The following FRMPD4 variants were observed in gnomAD, a reference collection of about 807,000 sequenced individuals.
The protein encoded by FRMPD4 is FERM and PDZ domain-containing protein 4.
In FRMPD4, 22 loss-of-function variants were observed where a neutral mutation model predicts 94.1. That is an observed-to-expected ratio of 0.23 (90% CI 0.17 to 0.33). The LOEUF is 0.33. Ranked by LOEUF, FRMPD4 falls within the 10% of genes least tolerant of loss-of-function variation. The pLI is 1.00. For missense variants in FRMPD4, 1,111 were observed against 1,339.9 expected (o/e 0.83, Z 2.67); for synonymous variants, 631 against 548.6 (o/e 1.15, Z -2.10).
At chrX:12,599,317 C>A (rs1387773110) in intron 2 of FRMPD4, among the ~76,000 whole-genome samples, 1 of 107,322 alleles carries the variant, frequency 9.3e-6, no homozygotes, top group African/African-American at 3.6e-5. Flanking sequence ...AAAAAAAAAA[C>A]ATATGAGTAA....
intron 1 of FRMPD4, among the ~76,000 whole-genome samples, chrX:12,446,140 T>C (rs1317830273): frequency 3.6e-5 from 4 of 112,380 alleles, no homozygotes; most frequent in Non-Finnish European, 7.5e-5. Context: ...TCTAGACCAC[T>C]GACTTTTAAT....
chrX:12,593,043 T>C (rs2058997355), intron 2 of FRMPD4, among the ~76,000 whole-genome samples: 1 of 111,815 alleles, frequency 8.9e-6, no homozygotes, highest in Non-Finnish European at 1.9e-5. Context: ...CGTTCAAGAC[T>C]GGCATCCTTG....
chrX:12,124,044 G>C (rs1483365405), intron 3 of FRMPD4, among the ~76,000 whole-genome samples: 1 of 110,984 alleles, frequency 9.0e-6, no homozygotes, highest in Non-Finnish European at 1.9e-5. Context: ...TCCAGTTCCT[G>C]GTACATCTCA....
chrX:12,335,742 T>C (rs1299579879), intron 1 of FRMPD4, among the ~76,000 whole-genome samples: 2 of 112,170 alleles, frequency 1.8e-5, no homozygotes, highest in East Asian at 5.6e-4. Flanking sequence ...AGCCTCTCTA[T>C]TGCATTAGCC....
chrX:12,190,849 A>G (rs1027105247), intron 1 of FRMPD4, among the ~76,000 whole-genome samples: 1 of 111,285 alleles, frequency 9.0e-6, no homozygotes, highest in South Asian at 3.7e-4. Flanking sequence ...TGTAGTGAAG[A>G]CTTTTTAGAT....
At chrX:12,574,265 G>T (rs140819971) in intron 2 of FRMPD4, among the ~76,000 whole-genome samples, 2,213 of 112,389 alleles carry the variant, frequency 0.02, 56 homozygotes, top group African/African-American at 0.068. Flanking sequence ...CTTCTAAAGT[G>T]CTGGGATTAC....
At chrX:11,944,950 A>C (rs1377141699) in intron 3 of FRMPD4, among the ~76,000 whole-genome samples, 3 of 112,373 alleles carry the variant, frequency 2.7e-5, no homozygotes, top group Non-Finnish European at 3.8e-5. Flanking sequence ...TCAATGTTTA[A>C]ATAAATGTTA....
At chrX:11,862,072 C>T (rs2053690585) in intron 1 of FRMPD4, among the ~76,000 whole-genome samples, 1 of 110,936 alleles carries the variant, frequency 9.0e-6, no homozygotes, top group Non-Finnish European at 1.9e-5. Flanking sequence ...AGAACCCACT[C>T]ACTATCACAT....
chrX:12,084,157 G>C (rs756601385), intron 3 of FRMPD4, among the ~76,000 whole-genome samples: 82 of 84,723 alleles, frequency 9.7e-4, no homozygotes, highest in African/African-American at 3.3e-3. Flanking sequence ...AAATTCTCAT[G>C]TGTTATGGGA....
At chrX:12,274,984 G>C (rs138810801) in intron 1 of FRMPD4, among the ~76,000 whole-genome samples, 16 of 112,008 alleles carry the variant, frequency 1.4e-4, no homozygotes, top group Non-Finnish European at 2.3e-4. Flanking sequence ...ACTCCAGCCC[G>C]GGCAACAGAG....
chrX:12,496,374 G>A (rs1222420735), intron 1 of FRMPD4, among the ~76,000 whole-genome samples: 1 of 112,024 alleles, frequency 8.9e-6, no homozygotes, highest in Non-Finnish European at 1.9e-5. Context: ...TGGATTTCTT[G>A]TTCTAATGCA....
Position 12,533,217 on chromosome X carries a change from G to C in FRMPD4, c.158+34421G>C, listed in dbSNP as rs192497794. 2.1e-4 allele frequency among the ~76,000 whole-genome samples: 23 copies of C among 111,954 alleles called. No individual in the cohort carries two copies. In the East Asian group the frequency reaches 6.2e-3, roughly 30 times the overall value. ...GATGGTTTTATAAGAGGAGTTCCCT[G>C]CACAAGCTCTCTTGTCTGCCACCAC... On this transcript the variant is annotated intron_variant, in intron 2 of 16. Coordinates refer to ENST00000675598, the MANE Select transcript of FRMPD4 (RefSeq NM_001368397.1).
chrX:12,099,127 G>A (rs1049846264), intron 3 of FRMPD4, among the ~76,000 whole-genome samples: 19 of 105,216 alleles, frequency 1.8e-4, no homozygotes, highest in South Asian at 4.5e-4. Context: ...GCTAGATGAC[G>A]AGTTAGTGGG....
At chrX:12,125,393 T>C (rs1040017675) in intron 3 of FRMPD4, among the ~76,000 whole-genome samples, 10 of 112,317 alleles carry the variant, frequency 8.9e-5, no homozygotes, top group Non-Finnish European at 1.7e-4. Flanking sequence ...AATCTCATTA[T>C]TGGCTGTTCT....
At chrX:12,565,294 A>G (rs751663991) in intron 2 of FRMPD4, among the ~76,000 whole-genome samples, 1 of 111,536 alleles carries the variant, frequency 9.0e-6, no homozygotes, top group East Asian at 2.8e-4. Context: ...TGTAAGCTAC[A>G]CTTTGTTACT....
intron 1 of FRMPD4, among the ~76,000 whole-genome samples, chrX:11,849,733 C>T (rs983222774): frequency 8.5e-5 from 9 of 105,272 alleles, no homozygotes; most frequent in African/African-American, 3.2e-4. Context: ...ACATGCAGAA[C>T]AATGAACTTG....
intron 4 of FRMPD4, among the ~76,000 whole-genome samples, chrX:12,638,230 C>T (rs923673770): frequency 8.9e-6 from 1 of 112,198 alleles, no homozygotes. Flanking sequence ...ATGTGTGTAA[C>T]ATTTAGAAAT....
intron 3 of FRMPD4, among the ~76,000 whole-genome samples, chrX:12,045,124 A>G (rs1335530968): frequency 8.9e-6 from 1 of 112,369 alleles, no homozygotes; most frequent in East Asian, 2.8e-4. Flanking sequence ...GTCCATAAAT[A>G]AATGTTTATT....
intron 3 of FRMPD4, among the ~76,000 whole-genome samples, chrX:12,097,037 T>C (rs1441894608): frequency 1.8e-5 from 2 of 112,304 alleles, no homozygotes; most frequent in Non-Finnish European, 3.8e-5. Flanking sequence ...ACACATTAAA[T>C]GCACCTGAAT....
Sources: gnomAD v4.1 joint callset for allele counts (sites outside exome capture counted in the v4.1 genomes callset) on GRCh38, gnomAD v4.1.1 for gene constraint, MANE v1.5 for transcripts, NCBI Gene and HGNC (gene_info 2026-07-23, HGNC 2026-07-21) for gene names.